FGD4: variants seen among roughly 807,000 people sequenced by gnomAD.
FGD4 encodes FYVE, RhoGEF and PH domain containing 4, also known as FYVE, RhoGEF and PH domain-containing protein 4.
A neutral mutation model predicts 102.0 loss-of-function variants in FGD4; 42 were observed. That is an observed-to-expected ratio of 0.41 (90% CI 0.32 to 0.53). The LOEUF (loss-of-function observed/expected upper bound fraction) is 0.53. Ranked by LOEUF, FGD4 falls within the 20% of genes least tolerant of loss-of-function variation. The pLI, the probability that FGD4 is intolerant of heterozygous loss-of-function variation, is 0.21. For missense variants in FGD4, 902 were observed against 1,078.2 expected (o/e 0.84, Z 2.29); for synonymous variants, 380 against 375.7 (o/e 1.01, Z -0.13).
At chr12:32,446,315 T>C (rs1309582723) in intron 1 of FGD4, among the ~76,000 whole-genome samples, 1 of 151,866 alleles carries the variant, frequency 6.6e-6, no homozygotes, top group Non-Finnish European at 1.5e-5. Flanking sequence ...AGGGTCTGAG[T>C]GTTTGTGTCG....
At chr12:32,630,810 G>T (rs1345213058) in intron 14 of FGD4, among the ~76,000 whole-genome samples, 1 of 117,412 alleles carries the variant, frequency 8.5e-6, no homozygotes, top group Admixed American at 8.3e-5. Flanking sequence ...GTGAGACTAT[G>T]TCAAAAAAAA....
intron 2 of FGD4, among the ~76,000 whole-genome samples, chr12:32,568,131 G>A (rs1276584602): frequency 6.6e-6 from 1 of 152,136 alleles, no homozygotes; most frequent in East Asian, 1.9e-4. Flanking sequence ...ATTATTTATA[G>A]GTTTTTAAAA....
At chr12:32,547,449 C>A (rs771180741) in intron 1 of FGD4, among the ~76,000 whole-genome samples, 1 of 152,084 alleles carries the variant, frequency 6.6e-6, no homozygotes, top group East Asian at 1.9e-4. Flanking sequence ...CACACACATA[C>A]ACACACACCC....
chr12:32,467,588 A>T (rs1203436778), intron 1 of FGD4, among the ~76,000 whole-genome samples: 1 of 152,254 alleles, frequency 6.6e-6, no homozygotes, highest in African/African-American at 2.4e-5. Flanking sequence ...CAGAAACAGC[A>T]ACCACAATTT....
intron 1 of FGD4, among the ~76,000 whole-genome samples, chr12:32,555,474 A>G (rs1944019317): frequency 6.6e-6 from 1 of 152,130 alleles, no homozygotes; most frequent in Admixed American, 6.5e-5. Context: ...GATAATCTCA[A>G]CATGTGGAAG....
chr12:32,593,767 C>CT (rs1947663415), intron 4 of FGD4, among the ~76,000 whole-genome samples: 1 of 152,184 alleles, frequency 6.6e-6, no homozygotes, highest in African/African-American at 2.4e-5. Context: ...AGGTTGCTGT[C>CT]TTTAAAGATA....
chr12:32,632,701 A>ATTTTTT (rs1241301638), intron 14 of FGD4, among the ~76,000 whole-genome samples: 2 of 121,852 alleles, frequency 1.6e-5, no homozygotes, highest in African/African-American at 7.1e-5. Flanking sequence ...TTATTTATTT[A>ATTTTTT]TTTATTTATT....
intron 1 of FGD4, among the ~76,000 whole-genome samples, chr12:32,542,001 C>A (rs569378826): frequency 2.6e-5 from 4 of 152,098 alleles, no homozygotes; most frequent in Admixed American, 6.5e-5. Flanking sequence ...CATCACCTTG[C>A]GTTTCACCGC....
intron 3 of FGD4, among the ~76,000 whole-genome samples, chr12:32,581,631 A>G (rs980219132): frequency 3.3e-5 from 5 of 152,250 alleles, no homozygotes; most frequent in Admixed American, 3.3e-4. Flanking sequence ...CTAACTAGTC[A>G]CATTATTAAA....
At chr12:32,405,062 T>C (rs879541273) in intron 1 of FGD4, among the ~76,000 whole-genome samples, 5 of 151,546 alleles carry the variant, frequency 3.3e-5, no homozygotes, top group Non-Finnish European at 7.4e-5. Flanking sequence ...GCCTCCAGAG[T>C]AGCTGGGACT....
intron 1 of FGD4, among the ~76,000 whole-genome samples, chr12:32,491,674 C>T (rs867845158): frequency 6.6e-6 from 1 of 152,094 alleles, no homozygotes; most frequent in Non-Finnish European, 1.5e-5. Context: ...GGTACATATA[C>T]GTCATATACA....
At chr12:32,468,738 T>A (rs1943336198) in intron 1 of FGD4, among the ~76,000 whole-genome samples, 1 of 152,142 alleles carries the variant, frequency 6.6e-6, no homozygotes, top group Non-Finnish European at 1.5e-5. Context: ...TGAGACCCTG[T>A]CAAAGGAAGA....
Position 32,522,732 on chromosome 12 carries a change from GGTTTAGGAACC to G in FGD4, c.167-41404_167-41394del, listed in dbSNP as rs201697444. Among the ~76,000 whole-genome samples, 431 of 152,348 alleles carry G rather than the reference GGTTTAGGAACC, an allele frequency of 2.8e-3. 10 individuals are homozygous for G. In the South Asian group the frequency reaches 0.047, roughly 16 times the overall value. ...CTTGGGTGATTGATAGAGGGAGCAT[GGTTTAGGAACC>G]ATATTTTGAAAGCAAAGTGGCAAGA... On this transcript the variant is annotated intron_variant, in intron 1 of 16. Coordinates refer to ENST00000534526, the MANE Select transcript of FGD4 (RefSeq NM_001370298.3).
chr12:32,426,490 A>G (rs937225414), intron 1 of FGD4, among the ~76,000 whole-genome samples: 3 of 152,172 alleles, frequency 2.0e-5, no homozygotes, highest in Non-Finnish European at 2.9e-5. Flanking sequence ...GGATTTTCGC[A>G]TCGATGTTCA....
At chr12:32,540,496 G>A (rs536632358) in intron 1 of FGD4, among the ~76,000 whole-genome samples, 2 of 152,048 alleles carry the variant, frequency 1.3e-5, no homozygotes, top group Non-Finnish European at 2.9e-5. Flanking sequence ...TGTTAGGGGT[G>A]CATAGTTCTG....
intron 1 of FGD4, among the ~76,000 whole-genome samples, chr12:32,454,077 A>G (rs916854450): frequency 1.1e-4 from 17 of 152,216 alleles, no homozygotes; most frequent in Non-Finnish European, 2.5e-4. Context: ...GATTAAAAAA[A>G]AAAAGGTTTA....
intron 10 of FGD4, among the ~76,000 whole-genome samples, chr12:32,612,108 A>G (rs10844257): frequency 0.44 from 66,894 of 152,130 alleles, 15,160 homozygotes; most frequent in Middle Eastern, 0.64. Context: ...TTTGGTGCCA[A>G]TGAGCATGGG....
chr12:32,400,931 G>GA (rs1180245285), intron 1 of FGD4, among the ~76,000 whole-genome samples: 1 of 152,182 alleles, frequency 6.6e-6, no homozygotes, highest in Non-Finnish European at 1.5e-5. Context: ...GCATAGAGCA[G>GA]AAAAACATGA....
intron 1 of FGD4, among the ~76,000 whole-genome samples, chr12:32,437,815 T>G (rs1942286687): frequency 6.6e-6 from 1 of 152,232 alleles, no homozygotes; most frequent in African/African-American, 2.4e-5. Flanking sequence ...TATATACCAC[T>G]GATAACATTC....
Sources: allele counts gnomAD v4.1 joint callset (sites outside exome capture counted in the v4.1 genomes callset), GRCh38; gene constraint gnomAD v4.1.1; transcripts MANE v1.5; gene names NCBI Gene and HGNC (gene_info 2026-07-23, HGNC 2026-07-21).